The following PCDHGA3 variants were observed in gnomAD, a reference collection of about 807,000 sequenced individuals.
PCDHGA3 encodes protocadherin gamma subfamily A, 3, also known as protocadherin gamma-A3.
In PCDHGA3, 40 loss-of-function variants were observed where a neutral mutation model predicts 58.5. The ratio of observed to expected loss-of-function variants is 0.68; its 90% CI spans 0.53 to 0.89. The LOEUF (loss-of-function observed/expected upper bound fraction) is 0.89. PCDHGA3 is among the 40% of genes least tolerant of loss of function. PCDHGA3 has a pLI of 0.00. For synonymous variants in PCDHGA3, 530 were observed against 525.7 expected, an observed-to-expected ratio of 1.01 and a Z score of -0.11; for missense variants, 1,223 against 1,195.9, an observed-to-expected ratio of 1.02 and a Z score of -0.33.
intron 1 of PCDHGA3, chr5:141,423,313 G>T (rs1407028245): frequency 1.2e-6 from 2 of 1,614,184 alleles, no homozygotes; most frequent in Non-Finnish European, 1.7e-6. Context: ...GTACTTGGTG[G>T]TGGCGGTGGC....
chr5:141,371,897 G>A, intron 1 of PCDHGA3: 1 of 1,613,408 alleles, frequency 6.2e-7, no homozygotes, highest in Non-Finnish European at 8.5e-7. Flanking sequence ...CGCGGGAGCT[G>A]TCGTCCTACG....
At chr5:141,362,983 T>C (rs1282790095) in intron 1 of PCDHGA3, among the ~76,000 whole-genome samples, 1 of 152,256 alleles carries the variant, frequency 6.6e-6, no homozygotes, top group Admixed American at 6.5e-5. Context: ...GACTTTTGCA[T>C]AATGGCATGG....
chr5:141,351,929 C>A, intron 1 of PCDHGA3: 1 of 1,613,302 alleles, frequency 6.2e-7, no homozygotes, highest in Non-Finnish European at 8.5e-7. Flanking sequence ...CAATGCGCCA[C>A]GGGTGCTGTA....
At chr5:141,447,768 T>C (rs1392134454) in intron 1 of PCDHGA3, among the ~76,000 whole-genome samples, 1 of 152,212 alleles carries the variant, frequency 6.6e-6, no homozygotes, top group East Asian at 1.9e-4. Context: ...ATATAAATTA[T>C]ACTTTAATTG....
intron 1 of PCDHGA3, chr5:141,414,054 G>A: frequency 6.2e-7 from 1 of 1,610,250 alleles, no homozygotes; most frequent in Non-Finnish European, 8.5e-7. Flanking sequence ...ACACGCAATT[G>A]TTGAAGTTCC....
At chr5:141,355,138 G>A (rs1759726918) in intron 1 of PCDHGA3, 1 of 1,524,966 alleles carries the variant, frequency 6.6e-7, no homozygotes. Context: ...AGAAGATCCT[G>A]GGGCTCCTCA....
chr5:141,482,859 G>A (rs1371172226), intron 1 of PCDHGA3, among the ~76,000 whole-genome samples: 3 of 148,230 alleles, frequency 2.0e-5, no homozygotes, highest in Admixed American at 6.7e-5. Flanking sequence ...ATCACTTGAG[G>A]TCAGGAGTTT....
intron 1 of PCDHGA3, among the ~76,000 whole-genome samples, chr5:141,481,426 A>G (rs1431602618): frequency 6.6e-6 from 1 of 152,238 alleles, no homozygotes; most frequent in Non-Finnish European, 1.5e-5. Flanking sequence ...TGTGATGATG[A>G]TTGTATCAGT....
chr5:141,352,748 A>G, intron 1 of PCDHGA3: 1 of 1,432,690 alleles, frequency 7.0e-7, no homozygotes, highest in South Asian at 1.3e-5. Context: ...CCAGCACTTA[A>G]CCAGGCTGAG....
chr5:141,353,931 C>T lies in PCDHGA3; in HGVS notation c.2424+7474C>T, dbSNP rs192622992. On this transcript the variant is annotated intron_variant, in intron 1 of 3. Transcript: ENST00000253812. ...TGCCCTTTTGTATGAGTCATTTCTA[C>T]TGCTAATTGTTAAGTGAGGAATAAG... Among the ~76,000 whole-genome samples the T allele has an allele frequency of 8.7e-4, 133 of 152,336 alleles. 1 individual carries two copies. The highest frequency in any genetic ancestry group is 3.1e-3 in the African/African-American group (128 of 41,572).
chr5:141,418,714 T>C, intron 1 of PCDHGA3: 4 of 1,614,000 alleles, frequency 2.5e-6, no homozygotes, highest in Non-Finnish European at 3.4e-6. Flanking sequence ...TTGGTGTGGC[T>C]GACAAAGCTC....
At position 141,491,267 on chromosome 5, in the gene PCDHGA3, A is replaced by C. The variant is rs1376540913; in HGVS notation, c.2425-3540A>C. ...GATGAGGACCCTGAGGAAATGCCCA[A>C]ATCCAGTGACTTCCTCATACACCCT... On this transcript the variant is annotated intron_variant, in intron 1 of 3. Coordinates refer to ENST00000253812, the MANE Select transcript of PCDHGA3 (RefSeq NM_018916.4). This position sits in a 1 kb window ranked among gnomAD's most constrained non-coding sequence, Gnocchi z 6.9. The C allele has an allele frequency of 2.5e-6, 4 of 1,613,944 alleles. No individual in the cohort carries two copies. The highest frequency in any genetic ancestry group is 3.4e-6 in the Non-Finnish European group (4 of 1,179,936).
At position 141,489,760 on chromosome 5, in the gene PCDHGA3, C is replaced by A; in HGVS notation, c.2425-5047C>A. 1 of 1,614,086 alleles carries A rather than the reference C, an allele frequency of 6.2e-7. No individual in the cohort carries two copies. Among genetic ancestry groups the A allele is most frequent in the Non-Finnish European group, 8.5e-7 (1 of 1,179,970 alleles). On this transcript the variant is annotated intron_variant, in intron 1 of 3. Coordinates refer to ENST00000253812, the MANE Select transcript of PCDHGA3 (RefSeq NM_018916.4). This position sits in a 1 kb window ranked among gnomAD's most constrained non-coding sequence, Gnocchi z 4.5. ...TACTGTGAGCTTTTACACTCTAAGC[C>A]CCAACAGCCACTTCTCTCTGAATGT...
chr5:141,421,964 C>T (rs772274014), intron 1 of PCDHGA3: 3 of 1,611,472 alleles, frequency 1.9e-6, no homozygotes, highest in Non-Finnish European at 1.7e-6. Flanking sequence ...TTTACACAGT[C>T]CGTATATCGC....
At position 141,490,460 on chromosome 5, in the gene PCDHGA3, TA is replaced by T. The variant is rs1393913480; in HGVS notation, c.2425-4345del. 1.2e-6 allele frequency: 2 copies of T among 1,614,094 alleles called. No individual in the cohort carries two copies. The highest frequency in any genetic ancestry group is 1.7e-6 in the Non-Finnish European group (2 of 1,180,048). On this transcript the variant is annotated intron_variant, in intron 1 of 3. Coordinates refer to ENST00000253812, the MANE Select transcript of PCDHGA3 (RefSeq NM_018916.4). The surrounding 1 kb of genome is among the most constrained non-coding windows in gnomAD (Gnocchi z 5.4). ...CCTTCTGAGAACCACTACTCGCTGC[TA>T]ACCAGCCAGCCTTTGGACCGGGAGG... is the stretch of plus-strand genomic sequence containing the variant.
At chr5:141,480,948 G>C (rs1288557779) in intron 1 of PCDHGA3, among the ~76,000 whole-genome samples, 1 of 152,138 alleles carries the variant, frequency 6.6e-6, no homozygotes, top group Non-Finnish European at 1.5e-5. Context: ...TAGAGGCTGA[G>C]GCGGAAGCAT....
chr5:141,447,056 G>A (rs1452688256), intron 1 of PCDHGA3, among the ~76,000 whole-genome samples: 1 of 152,058 alleles, frequency 6.6e-6, no homozygotes, highest in Non-Finnish European at 1.5e-5. Flanking sequence ...CTATTAAAAT[G>A]TGTCAGGCTG....
chr5:141,360,965 T>A (rs780001160), intron 1 of PCDHGA3: 1 of 1,613,786 alleles, frequency 6.2e-7, no homozygotes, highest in Admixed American at 1.7e-5. Context: ...AACGCAGAGA[T>A]CACCTACTCC....
chr5:141,485,641 G>T lies in PCDHGA3; in HGVS notation c.2425-9166G>T. The T allele has an allele frequency of 6.2e-7, 1 of 1,612,012 alleles. No individual in the cohort carries two copies. Among genetic ancestry groups the T allele is most frequent in the Non-Finnish European group, 8.5e-7 (1 of 1,178,470 alleles). On this transcript the variant is annotated intron_variant, in intron 1 of 3. Transcript: ENST00000253812. The surrounding 1 kb of genome is among the most constrained non-coding windows in gnomAD (Gnocchi z 5.7). Reference sequence around the variant, plus strand: ...CAGGACAGCGTTTCCCGTTGGAAAAGGCTCAGGATGCAGATGTGGGGAGCA... The same window carrying T: ...CAGGACAGCGTTTCCCGTTGGAAAATGCTCAGGATGCAGATGTGGGGAGCA...
Sources: allele counts gnomAD v4.1 joint callset (sites outside exome capture counted in the v4.1 genomes callset), GRCh38; gene constraint gnomAD v4.1.1; non-coding constraint Gnocchi (gnomAD v3.1); transcripts MANE v1.5; gene names NCBI Gene and HGNC (gene_info 2026-07-23, HGNC 2026-07-21).